BANP: variants seen among roughly 807,000 people sequenced by gnomAD.
BANP encodes protein BANP.
Under a neutral mutation model 68.1 loss-of-function variants are expected in BANP, and 11 were observed. The observed-to-expected ratio is 0.16, with a 90% CI of 0.10 to 0.27. The LOEUF (loss-of-function observed/expected upper bound fraction) is 0.27. Among genes scored for constraint, BANP ranks in the 10% least tolerant of loss-of-function variants. BANP has a pLI of 1.00. For missense variants in BANP, 504 were observed against 722.7 expected, an observed-to-expected ratio of 0.70 and a Z score of 3.47; for synonymous variants, 329 against 303.2, an observed-to-expected ratio of 1.09 and a Z score of -0.88.
At chr16:88,069,206 C>G (rs1200984389) in intron 12 of BANP, among the ~76,000 whole-genome samples, 2 of 152,244 alleles carry the variant, frequency 1.3e-5, no homozygotes, top group Non-Finnish European at 2.9e-5. Context: ...CCGGCAGCTC[C>G]TCCTCCTCGG....
In BANP at chr16:87,964,270, C is replaced by T. The variant is rs77001042; in HGVS notation, c.-68-10778C>T. 2.0e-3 allele frequency among the ~76,000 whole-genome samples: 305 copies of T among 152,370 alleles called. 5 individuals carry two copies. The highest frequency in any genetic ancestry group is 0.01 in the East Asian group (52 of 5,190). On this transcript the variant is annotated intron_variant, in intron 1 of 13. Transcript: ENST00000682872. The stretch of plus-strand genomic sequence containing the variant: ...ACAGACGTATTCACTGGATGCGGTG[C>T]GGGCCAGGCCCGGTGCCCTGCTGAG...
chr16:88,030,135 C>T (rs1363835306), intron 8 of BANP, among the ~76,000 whole-genome samples: 2 of 152,230 alleles, frequency 1.3e-5, no homozygotes, highest in East Asian at 3.9e-4. Flanking sequence ...CAAGTAACAA[C>T]ACTTTTAAAA....
intron 12 of BANP, among the ~76,000 whole-genome samples, chr16:88,066,341 T>C (rs550268906): frequency 6.6e-6 from 1 of 152,192 alleles, no homozygotes. Flanking sequence ...GGCGGTAATT[T>C]TACTTTGAGT....
In BANP at chr16:87,982,640, A is replaced by G. The variant is rs1378207214; in HGVS notation, c.163-1420A>G. 5 of 152,208 alleles carry G rather than the reference A, an allele frequency of 3.3e-5. No homozygotes were observed. The East Asian group carries it at 9.6e-4, about 29-fold the overall frequency. The allele number at this position is 152,208 out of a possible 1,614,324, so 9.4% of individuals were successfully genotyped here. The stretch of plus-strand genomic sequence containing the variant: ...TCCCTCTCTCACACGCGCCTTCAAC[A>G]GAGAGTAGTCAGTCAGGGAGGGTGA... On this transcript the variant is annotated intron_variant, in intron 3 of 13. Transcript: ENST00000682872.
chr16:87,955,881 C>T (rs377601014), intron 1 of BANP, among the ~76,000 whole-genome samples: 1 of 152,204 alleles, frequency 6.6e-6, no homozygotes. Flanking sequence ...GAGGGATGCT[C>T]ACCACAGTCC....
At chr16:88,076,562 G>C (rs759250897) in intron 13 of BANP, 28 bp from the exon 14 acceptor site, 2 of 1,607,334 alleles carry the variant, frequency 1.2e-6, no homozygotes, top group Non-Finnish European at 1.7e-6. Context: ...TATTTTTCTA[G>C]AAAGTCCCTC....
intron 11 of BANP, among the ~76,000 whole-genome samples, chr16:88,056,911 CTT>C (rs1341894037): frequency 2.0e-5 from 3 of 152,316 alleles, no homozygotes; most frequent in East Asian, 3.9e-4. Context: ...TGGAAATACT[CTT>C]GTTTGAGCCA....
chr16:87,984,152 A>T lies in BANP; in HGVS notation c.255A>T (p.Leu85Phe). Residue 85 changes from leucine to phenylalanine, a missense_variant, in exon 4 of 14, where the codon TTA becomes TTT. Around this residue, in one of 3 missense-constraint regions of BANP, gnomAD observed 238 missense variants for 278.9 expected, o/e 0.85. Transcript: ENST00000682872. ...CCCTGGAGGCTACTTGTAAATCCTT[A>T]GAAGAAAAGCTGGATCTGGTCACGA... ...LQALEATCKS[L>F]EEKLDLVTNK... 2 of 1,610,616 alleles carry T rather than the reference A, an allele frequency of 1.2e-6. No homozygotes were observed. Among genetic ancestry groups the T allele is most frequent in the Non-Finnish European group, 1.7e-6 (2 of 1,178,022 alleles).
chr16:88,050,717 C>G (rs1196576518), intron 11 of BANP, among the ~76,000 whole-genome samples: 1 of 152,100 alleles, frequency 6.6e-6, no homozygotes, highest in East Asian at 1.9e-4. Flanking sequence ...TAGAGACAGT[C>G]TCACTCTGTT....
chr16:87,986,414 G>A (rs542920332), intron 4 of BANP, among the ~76,000 whole-genome samples: 10 of 152,346 alleles, frequency 6.6e-5, no homozygotes, highest in South Asian at 6.2e-4. Context: ...AGGCTGGAGT[G>A]TAGTTTCTGT....
intron 8 of BANP, among the ~76,000 whole-genome samples, chr16:88,032,132 A>G (rs1567814596): frequency 2.0e-5 from 3 of 151,206 alleles, no homozygotes; most frequent in Non-Finnish European, 2.9e-5. Context: ...CAATAATTTT[A>G]TGTCTTTCAT....
At chr16:88,020,473 T>G (rs1371941790) in intron 7 of BANP, among the ~76,000 whole-genome samples, 1 of 151,546 alleles carries the variant, frequency 6.6e-6, no homozygotes, top group Non-Finnish European at 1.5e-5. Flanking sequence ...CGTTGAGATA[T>G]ATAGACGAAT....
In BANP at chr16:88,033,926, C is replaced by G. The variant is rs141761339; in HGVS notation, c.1200+681C>G. On this transcript the variant is annotated intron_variant, in intron 9 of 13. Transcript: ENST00000682872. ...GAAGGAAGGAAGACTTTTCTGGAAG[C>G]TTTGCTGAGTGACTAGAAATTTTAC... 4.3e-3 allele frequency among the ~76,000 whole-genome samples: 650 copies of G among 152,172 alleles called. 6 individuals carry two copies. The highest frequency in any genetic ancestry group is 7.3e-3 in the Non-Finnish European group (499 of 68,018).
In BANP at chr16:87,956,295, G is replaced by A. The variant is rs182743506; in HGVS notation, c.-69+4780G>A. ...CATTTTGAAGGAAAGACTTCTTGGG[G>A]AAAGTCAATTTGAGGGTTTGAATGA... is the stretch of plus-strand genomic sequence containing the variant. On this transcript the variant is annotated intron_variant, in intron 1 of 13. Coordinates refer to ENST00000682872, the MANE Select transcript of BANP (RefSeq NM_001386991.1). Among the ~76,000 whole-genome samples the A allele has an allele frequency of 6.1e-3, 925 of 152,330 alleles. 32 individuals are homozygous for A. Among genetic ancestry groups the A allele is most frequent in the Admixed American group, 0.057 (877 of 15,296 alleles).
chr16:88,033,544 G>T (rs1351699709), intron 9 of BANP, among the ~76,000 whole-genome samples: 1 of 152,212 alleles, frequency 6.6e-6, no homozygotes, highest in South Asian at 2.1e-4. Flanking sequence ...GGGTCAGGCC[G>T]TGCGGTGGTC....
chr16:88,034,313 A>C (rs1056999099), intron 9 of BANP, among the ~76,000 whole-genome samples: 2 of 152,244 alleles, frequency 1.3e-5, no homozygotes, highest in Non-Finnish European at 2.9e-5. Context: ...CAGAGTAGAT[A>C]ACTTTGTCAT....
At chr16:88,050,381 C>T (rs1311685690) in intron 11 of BANP, among the ~76,000 whole-genome samples, 1 of 152,158 alleles carries the variant, frequency 6.6e-6, no homozygotes, top group African/African-American at 2.4e-5. Flanking sequence ...GTCTTGAACT[C>T]CCGGGCTTAA....
Position 88,007,457 on chromosome 16 carries a change from C to G in BANP, c.655+1192C>G, listed in dbSNP as rs1360416151. 3.9e-5 allele frequency among the ~76,000 whole-genome samples: 6 copies of G among 152,334 alleles called. No individual in the cohort carries two copies. In the East Asian group the frequency reaches 1.2e-3, roughly 29 times the overall value. ...CCCTCCCGCCTGGCCCTCGGCCTGC[C>G]CAGTGTGCCTTTCAGAGCCGTCTTC... On this transcript the variant is annotated intron_variant, in intron 6 of 13. Coordinates refer to ENST00000682872, the MANE Select transcript of BANP (RefSeq NM_001386991.1).
Position 88,018,321 on chromosome 16 carries a change from C to T in BANP, c.656-107C>T. 1 of 1,406,216 alleles carries T rather than the reference C, an allele frequency of 7.1e-7. No homozygotes were observed. 87.1% of individuals were successfully genotyped at this position (1,406,216 alleles called of 1,614,324 possible). On this transcript the variant is annotated intron_variant, in intron 6 of 13. Coordinates refer to ENST00000682872, the MANE Select transcript of BANP (RefSeq NM_001386991.1). This position sits in a 1 kb window ranked among gnomAD's most constrained non-coding sequence, Gnocchi z 7.7. The stretch of plus-strand genomic sequence containing the variant: ...CAAGTTACGAGGGATTTGCCCAGCC[C>T]TGCGTGGAGCATCTTTCCCGACTGT...
Sources: allele counts gnomAD v4.1 joint callset (sites outside exome capture counted in the v4.1 genomes callset), GRCh38; gene constraint gnomAD v4.1.1; regional missense constraint gnomAD v4.1.1; non-coding constraint Gnocchi (gnomAD v3.1); transcripts MANE v1.5; gene names NCBI Gene and HGNC (gene_info 2026-07-23, HGNC 2026-07-21).